GIGYF2: variants seen among roughly 807,000 people sequenced by gnomAD.
GIGYF2 encodes GRB10 interacting GYF protein 2.
Under a neutral mutation model 208.1 loss-of-function variants are expected in GIGYF2, and 25 were observed. That is an observed-to-expected ratio of 0.12 (90% CI 0.09 to 0.17). The LOEUF is 0.17. Ranked by LOEUF, GIGYF2 falls within the 10% of genes least tolerant of loss-of-function variation. The pLI is 1.00. For missense variants in GIGYF2, 1,302 were observed against 1,579.4 expected, an observed-to-expected ratio of 0.82 and a Z score of 2.98; for synonymous variants, 534 against 543.8, an observed-to-expected ratio of 0.98 and a Z score of 0.25.
intron 28 of GIGYF2, 40 bp from the exon 29 acceptor site, chr2:232,856,753 G>A (rs1488165576): frequency 1.5e-6 from 2 of 1,315,278 alleles, no homozygotes; most frequent in South Asian, 2.3e-5. Context: ...CCGCTTGGTT[G>A]CCTGGGTGTG....
intron 8 of GIGYF2, chr2:232,765,440 T>C (rs553841669): frequency 5.4e-4 from 82 of 152,736 alleles, no homozygotes; most frequent in Non-Finnish European, 1.1e-3. Flanking sequence ...TTGCTTCTCA[T>C]GAAAAGAGAA....
intron 8 of GIGYF2, among the ~76,000 whole-genome samples, chr2:232,772,633 T>C (rs181112420): frequency 6.6e-6 from 1 of 152,324 alleles, no homozygotes; most frequent in African/African-American, 2.4e-5. Flanking sequence ...CTTAAGACTT[T>C]AGTGTAGCAG....
intron 15 of GIGYF2, among the ~76,000 whole-genome samples, chr2:232,808,435 C>T (rs1028008441): frequency 2.6e-5 from 4 of 152,140 alleles, no homozygotes; most frequent in African/African-American, 9.7e-5. Context: ...CAAAGCCCTG[C>T]TTCCTGTCTG....
At chr2:232,725,311 T>G (rs999664601) in intron 2 of GIGYF2, among the ~76,000 whole-genome samples, 2 of 152,234 alleles carry the variant, frequency 1.3e-5, no homozygotes, top group Non-Finnish European at 2.9e-5. Context: ...TCACATTAGT[T>G]TTTTAGCCTG....
chr2:232,815,921 A>G, intron 19 of GIGYF2, 184 bp downstream of exon 19: 1 of 587,808 alleles, frequency 1.7e-6, no homozygotes, highest in Non-Finnish European at 3.0e-6. Flanking sequence ...AAAAACTCAA[A>G]ACAGAATTTA....
intron 21 of GIGYF2, among the ~76,000 whole-genome samples, chr2:232,829,337 G>A (rs747453750): frequency 6.6e-6 from 1 of 152,068 alleles, no homozygotes; most frequent in Non-Finnish European, 1.5e-5. Flanking sequence ...TTTGGTGTTT[G>A]CACGGTATAT....
At chr2:232,742,704 A>G (rs1251372108) in intron 3 of GIGYF2, among the ~76,000 whole-genome samples, 3 of 152,196 alleles carry the variant, frequency 2.0e-5, no homozygotes, top group Non-Finnish European at 2.9e-5. Context: ...GAGACTGAGG[A>G]TTTAAAACTA....
intron 2 of GIGYF2, among the ~76,000 whole-genome samples, chr2:232,708,610 GA>G (rs1408790930): frequency 6.6e-6 from 1 of 150,488 alleles, no homozygotes; most frequent in Non-Finnish European, 1.5e-5. Context: ...TGAGGCAGGT[GA>G]ATTGCTTGAG....
At chr2:232,774,584 C>T (rs1699431729) in intron 8 of GIGYF2, among the ~76,000 whole-genome samples, 1 of 152,120 alleles carries the variant, frequency 6.6e-6, no homozygotes, top group Non-Finnish European at 1.5e-5. Context: ...AAGATTTTGA[C>T]ACATGGAAGA....
intron 21 of GIGYF2, among the ~76,000 whole-genome samples, chr2:232,820,189 T>G (rs1302714433): frequency 6.6e-6 from 1 of 152,090 alleles, no homozygotes. Flanking sequence ...AAAATTTGTC[T>G]TATCTTTCTG....
chr2:232,821,942 T>A (rs935439856), intron 21 of GIGYF2, among the ~76,000 whole-genome samples: 33 of 148,816 alleles, frequency 2.2e-4, no homozygotes, highest in East Asian at 3.9e-4. Context: ...TATAAATATT[T>A]TTTTTTTTTT....
chr2:232,750,817 A>G (rs1326944265), intron 5 of GIGYF2, among the ~76,000 whole-genome samples: 1 of 151,492 alleles, frequency 6.6e-6, no homozygotes, highest in Non-Finnish European at 1.5e-5. Context: ...ATTTTGAGCT[A>G]GGTTCTCACT....
Position 232,806,356 on chromosome 2 carries a change from G to C in GIGYF2, c.1640-135G>C. 1 of 726,178 alleles carries C rather than the reference G, an allele frequency of 1.4e-6. No homozygotes were observed. The highest frequency in any genetic ancestry group is 2.5e-6 in the Non-Finnish European group (1 of 401,406). 45.0% of individuals were successfully genotyped at this position (726,178 alleles called of 1,614,324 possible). On this transcript the variant is annotated intron_variant, in intron 14 of 28. Coordinates refer to ENST00000373563, the MANE Select transcript of GIGYF2 (RefSeq NM_001103146.3). This position sits in a 1 kb window ranked among gnomAD's most constrained non-coding sequence, Gnocchi z 4.0. ...TAGAAATCTGTTAGCTACCTTTAGA[G>C]GTGAATTAAATTAGATAGTATAAAA...
intron 23 of GIGYF2, among the ~76,000 whole-genome samples, chr2:232,840,844 G>A (rs1252401074): frequency 6.6e-6 from 1 of 152,160 alleles, no homozygotes; most frequent in South Asian, 2.1e-4. Flanking sequence ...TCTTGAAGAT[G>A]CTTTATGTGG....
chr2:232,763,686 A>G (rs1698834448), intron 8 of GIGYF2, among the ~76,000 whole-genome samples: 1 of 151,982 alleles, frequency 6.6e-6, no homozygotes, highest in African/African-American at 2.4e-5. Flanking sequence ...AAAATTAGCC[A>G]GGCGTGGTGG....
At chr2:232,780,379 C>CA (rs1574875543) in intron 8 of GIGYF2, among the ~76,000 whole-genome samples, 1 of 152,168 alleles carries the variant, frequency 6.6e-6, no homozygotes, top group Non-Finnish European at 1.5e-5. Context: ...TGTATTTTAG[C>CA]ACCTTTACAT....
intron 25 of GIGYF2, 126 bp from the exon 26 acceptor site, chr2:232,845,606 A>T: frequency 1.2e-6 from 1 of 837,500 alleles, no homozygotes; most frequent in Admixed American, 2.1e-5. Context: ...TCTTTTTTGG[A>T]GCCAAGCATT....
At chr2:232,803,642 A>G (rs571477670) in intron 14 of GIGYF2, among the ~76,000 whole-genome samples, 5 of 137,694 alleles carry the variant, frequency 3.6e-5, no homozygotes, top group East Asian at 4.0e-4. Context: ...GTGTGGGTCT[A>G]TTTCTTTGTG....
chr2:232,820,488 G>A (rs947123908), intron 21 of GIGYF2, among the ~76,000 whole-genome samples: 1 of 151,668 alleles, frequency 6.6e-6, no homozygotes, highest in South Asian at 2.1e-4. Flanking sequence ...CTAATTTTTT[G>A]TATTTTTAGT....
Sources: gnomAD v4.1 joint callset for allele counts (sites outside exome capture counted in the v4.1 genomes callset) on GRCh38, gnomAD v4.1.1 for gene constraint, Gnocchi (gnomAD v3.1) non-coding constraint, MANE v1.5 for transcripts, NCBI Gene and HGNC (gene_info 2026-07-23, HGNC 2026-07-21) for gene names.